MGST3: variants seen among roughly 807,000 people sequenced by gnomAD.
MGST3 encodes microsomal glutathione S-transferase 3.
Under a neutral mutation model 15.8 loss-of-function variants are expected in MGST3, and 13 were observed. That is an observed-to-expected ratio of 0.82 (90% CI 0.54 to 1.31). MGST3 has a LOEUF of 1.31. Among genes scored for constraint, MGST3 ranks in the 50% most tolerant of loss-of-function variants. MGST3 has a pLI of 0.00. For synonymous variants in MGST3, 49 were observed against 68.1 expected, an observed-to-expected ratio of 0.72 and a Z score of 1.38; for missense variants, 155 against 192.4, an observed-to-expected ratio of 0.81 and a Z score of 1.15.
chr1:165,651,700 T>G (rs1648561458), intron 3 of MGST3: 2 of 388,404 alleles, frequency 5.1e-6, no homozygotes, highest in Admixed American at 3.9e-5. Flanking sequence ...GGTCAGGAGT[T>G]GGAGACAAGC....
At chr1:165,640,711 T>G (rs899613116) in intron 1 of MGST3, among the ~76,000 whole-genome samples, 3 of 152,204 alleles carry the variant, frequency 2.0e-5, no homozygotes, top group African/African-American at 7.2e-5. Flanking sequence ...CTACTGAGTT[T>G]CTGTCTTCAT....
intron 1 of MGST3, 125 bp from the exon 2 acceptor site, chr1:165,649,716 T>C: frequency 8.9e-7 from 1 of 1,129,302 alleles, no homozygotes. Flanking sequence ...ATCAGATTGA[T>C]TCATACCTTT....
chr1:165,654,725 T>C (rs4147610), intron 5 of MGST3, among the ~76,000 whole-genome samples: 37,068 of 152,154 alleles, frequency 0.24, 6,113 homozygotes, highest in East Asian at 0.81. Context: ...CTATATTTTT[T>C]TTCTTGGGAA....
chr1:165,644,097 G>A (rs1309545731), intron 1 of MGST3, among the ~76,000 whole-genome samples: 2 of 150,910 alleles, frequency 1.3e-5, no homozygotes, highest in Non-Finnish European at 2.9e-5. Flanking sequence ...CTGTCCTCTA[G>A]ATGGTTCTAT....
In MGST3 at chr1:165,637,968, T is replaced by A. The variant is rs77766062; in HGVS notation, c.-8+6675T>A. On this transcript the variant is annotated intron_variant, in intron 1 of 5. Transcript: ENST00000367889. ...CCACCCACGGACGTCAGAGCCCTGC[T>A]GCTTACCAGGGCATGTTAGTCTCCT... Among the ~76,000 whole-genome samples the A allele has an allele frequency of 9.8e-3, 1,492 of 152,254 alleles. 52 individuals carry two copies. Among genetic ancestry groups the A allele is most frequent in the Admixed American group, 0.059 (903 of 15,296 alleles).
At position 165,651,969 on chromosome 1, in the gene MGST3, C is replaced by T. The variant is rs1557996042; in HGVS notation, c.192-9C>T. The T allele has an allele frequency of 1.9e-6, 3 of 1,602,276 alleles. No homozygotes were observed. Among genetic ancestry groups the T allele is most frequent in the Non-Finnish European group, 2.6e-6 (3 of 1,172,410 alleles). On this transcript the variant is annotated splice_polypyrimidine_tract_variant and intron_variant, in intron 3 of 5. Coordinates refer to ENST00000367889, the MANE Select transcript of MGST3 (RefSeq NM_004528.4). ...GCACTTTTTAAAAGTTTCTTTCTGT[C>T]AATTCCAGGTTGGAAGTGTATCCTC... is the stretch of plus-strand genomic sequence containing the variant.
chr1:165,641,404 C>T (rs1299563807), intron 1 of MGST3, among the ~76,000 whole-genome samples: 6 of 152,102 alleles, frequency 3.9e-5, no homozygotes, highest in Admixed American at 1.3e-4. Context: ...ATGCTGTCTA[C>T]GGTAGGAAAC....
chr1:165,652,098 A>G lies in MGST3; in HGVS notation c.249+63A>G. 5 of 1,145,876 alleles carry G rather than the reference A, an allele frequency of 4.4e-6. No homozygotes were observed. In the South Asian group the frequency reaches 4.9e-5, roughly 11 times the overall value. 71.0% of individuals were successfully genotyped at this position (1,145,876 alleles called of 1,614,324 possible). A position where few individuals can be genotyped will look rare whatever the true frequency, so the allele number is the denominator to read the frequency against. ...AGTTCACTGAGCTATTATCAGGGAC[A>G]GAAGAAGGAAATAAACATTTAATGA... On this transcript the variant is annotated intron_variant, in intron 4 of 5. Coordinates refer to ENST00000367889, the MANE Select transcript of MGST3 (RefSeq NM_004528.4).
At chr1:165,648,509 T>C (rs960212261) in intron 1 of MGST3, 1 of 152,094 alleles carries the variant, frequency 6.6e-6, no homozygotes, top group African/African-American at 2.4e-5. Flanking sequence ...AATACAAAAA[T>C]TAGCTGGGTG....
chr1:165,640,471 C>G (rs139556892), intron 1 of MGST3, among the ~76,000 whole-genome samples: 2 of 151,984 alleles, frequency 1.3e-5, no homozygotes, highest in African/African-American at 4.8e-5. Context: ...AGAATCACCA[C>G]CTCCTGCAAA....
chr1:165,655,133 T>C (rs1201598702), intron 5 of MGST3, among the ~76,000 whole-genome samples: 1 of 152,190 alleles, frequency 6.6e-6, no homozygotes. Context: ...TAGAGCAAAG[T>C]TGCTGTAATT....
At chr1:165,644,257 A>G (rs1648335010) in intron 1 of MGST3, among the ~76,000 whole-genome samples, 1 of 152,216 alleles carries the variant, frequency 6.6e-6, no homozygotes, top group African/African-American at 2.4e-5. Flanking sequence ...ACACAAACCT[A>G]GACAGTATAA....
chr1:165,635,337 A>G (rs1472835295), intron 1 of MGST3, among the ~76,000 whole-genome samples: 1 of 152,240 alleles, frequency 6.6e-6, no homozygotes, highest in African/African-American at 2.4e-5. Flanking sequence ...AGATTCCTGA[A>G]GAACAGAATT....
chr1:165,644,570 C>T (rs925888152), intron 1 of MGST3, among the ~76,000 whole-genome samples: 1 of 152,114 alleles, frequency 6.6e-6, no homozygotes, highest in African/African-American at 2.4e-5. Flanking sequence ...TGCTGCAGAC[C>T]TTACGTACAC....
chr1:165,639,083 TA>T (rs1232752475), intron 1 of MGST3, among the ~76,000 whole-genome samples: 1 of 152,174 alleles, frequency 6.6e-6, no homozygotes, highest in Non-Finnish European at 1.5e-5. Context: ...ATCCTCTATG[TA>T]AAGTATTCCA....
intron 1 of MGST3, chr1:165,647,340 T>G (rs1322966795): frequency 6.6e-6 from 1 of 152,220 alleles, no homozygotes; most frequent in Admixed American, 6.5e-5. Context: ...GGCACTTCTC[T>G]TATCTTGCCA....
chr1:165,640,523 T>G (rs1648235028), intron 1 of MGST3, among the ~76,000 whole-genome samples: 1 of 152,072 alleles, frequency 6.6e-6, no homozygotes, highest in Admixed American at 6.6e-5. Flanking sequence ...AATGTGGTCC[T>G]TGACCAACAT....
intron 1 of MGST3, 117 bp from the exon 2 acceptor site, chr1:165,649,723 CT>C (rs1648502212): frequency 2.6e-5 from 32 of 1,227,674 alleles, no homozygotes; most frequent in Non-Finnish European, 3.0e-5. Context: ...TGATTCATAC[CT>C]TTTTTTGGTC....
chr1:165,651,897 A>AAAAAAAG, intron 3 of MGST3, 81 bp from the exon 4 acceptor site: 1 of 895,690 alleles, frequency 1.1e-6, no homozygotes, highest in East Asian at 2.8e-5. Context: ...CGTCTCAAAA[A>AAAAAAAG]AAAAAAAAAA....
Sources: allele counts gnomAD v4.1 joint callset (sites outside exome capture counted in the v4.1 genomes callset), GRCh38; gene constraint gnomAD v4.1.1; transcripts MANE v1.5; gene names NCBI Gene and HGNC (gene_info 2026-07-23, HGNC 2026-07-21).